The following SPIDR variants were observed in gnomAD, a reference collection of about 807,000 sequenced individuals.
SPIDR encodes DNA repair-scaffolding protein.
Under a neutral mutation model 104.6 loss-of-function variants are expected in SPIDR, and 93 were observed. The observed-to-expected ratio is 0.89, with a 90% CI of 0.75 to 1.06. SPIDR has a LOEUF of 1.06. Ranked by LOEUF, SPIDR falls within the 50% of genes least tolerant of loss-of-function variation. The pLI, the probability that SPIDR is intolerant of heterozygous loss-of-function variation, is 0.00. For synonymous variants in SPIDR, 431 were observed against 416.9 expected, an observed-to-expected ratio of 1.03 and a Z score of -0.41; for missense variants, 1,154 against 1,111.2, an observed-to-expected ratio of 1.04 and a Z score of -0.55.
chr8:47,347,339 C>T (rs1172023885), intron 5 of SPIDR, among the ~76,000 whole-genome samples: 2 of 152,150 alleles, frequency 1.3e-5, no homozygotes, highest in Admixed American at 1.3e-4. Flanking sequence ...TGTTCTTTTA[C>T]ATTTGCTGCG....
At chr8:47,633,783 T>C (rs1338827726) in intron 10 of SPIDR, among the ~76,000 whole-genome samples, 1 of 152,058 alleles carries the variant, frequency 6.6e-6, no homozygotes, top group Non-Finnish European at 1.5e-5. Context: ...AAAAGCATAA[T>C]GAACTTAATA....
chr8:47,731,670 T>C (rs2085263154), intron 19 of SPIDR, among the ~76,000 whole-genome samples: 2 of 152,178 alleles, frequency 1.3e-5, no homozygotes, highest in Admixed American at 1.3e-4. Flanking sequence ...TTTCTGTCCT[T>C]AAGGAAGTTT....
At chr8:47,549,346 C>G (rs897737083) in intron 8 of SPIDR, among the ~76,000 whole-genome samples, 1 of 152,218 alleles carries the variant, frequency 6.6e-6, no homozygotes, top group African/African-American at 2.4e-5. Context: ...AGTCGTCACA[C>G]TCTCTTCCAC....
chr8:47,675,638 C>G (rs934580631), intron 11 of SPIDR, among the ~76,000 whole-genome samples: 3 of 152,052 alleles, frequency 2.0e-5, no homozygotes, highest in African/African-American at 7.2e-5. Flanking sequence ...TGTCAAAACC[C>G]TATCTCTACT....
chr8:47,586,625 T>A (rs965040292), intron 8 of SPIDR, among the ~76,000 whole-genome samples: 2 of 152,222 alleles, frequency 1.3e-5, no homozygotes, highest in Non-Finnish European at 2.9e-5. Flanking sequence ...ATGTTCTAAA[T>A]ACTAGTCCTT....
At chr8:47,362,427 C>T (rs1351192940) in intron 5 of SPIDR, among the ~76,000 whole-genome samples, 3 of 152,164 alleles carry the variant, frequency 2.0e-5, no homozygotes, top group Non-Finnish European at 4.4e-5. Flanking sequence ...GTATGAAGGG[C>T]CCGGACCCAG....
chr8:47,374,309 C>A (rs1020817210), intron 5 of SPIDR, among the ~76,000 whole-genome samples: 1 of 151,956 alleles, frequency 6.6e-6, no homozygotes, highest in Non-Finnish European at 1.5e-5. Flanking sequence ...ATCACTTGAG[C>A]CGAGGAGTTC....
chr8:47,581,852 C>G (rs1254705415), intron 8 of SPIDR, among the ~76,000 whole-genome samples: 1 of 152,148 alleles, frequency 6.6e-6, no homozygotes, highest in Non-Finnish European at 1.5e-5. Context: ...TCCTCTTTGC[C>G]ACTCTCCACA....
At chr8:47,557,143 G>A (rs1484056717) in intron 8 of SPIDR, among the ~76,000 whole-genome samples, 3 of 151,914 alleles carry the variant, frequency 2.0e-5, no homozygotes, top group Non-Finnish European at 4.4e-5. Context: ...ATGAGACTTC[G>A]GCTCCTCATA....
At position 47,728,819 on chromosome 8, in the gene SPIDR, A is replaced by C. The variant is rs1589597699; in HGVS notation, c.2436-114A>C. On this transcript the variant is annotated intron_variant, in intron 17 of 19. Coordinates refer to ENST00000297423, the MANE Select transcript of SPIDR (RefSeq NM_001080394.4). ...TCTCAGAAACTTGATTCTGAGAGTA[A>C]AGCCCCGTTTTCTAGCTCAGCAGAC... 4 of 1,265,154 alleles carry C rather than the reference A, an allele frequency of 3.2e-6. No homozygotes were observed. The East Asian group carries it at 9.6e-5, about 30-fold the overall frequency. The allele number at this position is 1,265,154 out of a possible 1,614,324, so 78.4% of individuals were successfully genotyped here. A position where few individuals can be genotyped will look rare whatever the true frequency, so the allele number is the denominator to read the frequency against.
intron 5 of SPIDR, among the ~76,000 whole-genome samples, chr8:47,337,400 G>A: frequency 6.6e-6 from 1 of 151,974 alleles, no homozygotes; most frequent in African/African-American, 2.4e-5. Context: ...CAAAGTGCTG[G>A]GATTATAAGC....
intron 8 of SPIDR, among the ~76,000 whole-genome samples, chr8:47,518,264 T>C (rs2083457141): frequency 2.6e-5 from 4 of 152,206 alleles, no homozygotes; most frequent in Admixed American, 1.3e-4. Context: ...TGTGATGTGC[T>C]TATTATTATA....
At chr8:47,544,097 CTGTT>C (rs2088793081) in intron 8 of SPIDR, among the ~76,000 whole-genome samples, 5 of 151,860 alleles carry the variant, frequency 3.3e-5, no homozygotes, top group South Asian at 2.1e-4. Context: ...CAAGAGGGTT[CTGTT>C]CAGTTGGTTG....
At chr8:47,733,962 T>TA (rs2085716676) in intron 19 of SPIDR, among the ~76,000 whole-genome samples, 1 of 152,180 alleles carries the variant, frequency 6.6e-6, no homozygotes, top group African/African-American at 2.4e-5. Flanking sequence ...ACGCCTGTCT[T>TA]ACAAATGGGA....
At chr8:47,625,130 C>T (rs1454329988) in intron 10 of SPIDR, among the ~76,000 whole-genome samples, 2 of 152,170 alleles carry the variant, frequency 1.3e-5, no homozygotes, top group African/African-American at 4.8e-5. Context: ...GAACCAAAGA[C>T]AAAAACTACA....
At chr8:47,284,399 T>C (rs1290455153) in intron 3 of SPIDR, among the ~76,000 whole-genome samples, 1 of 151,960 alleles carries the variant, frequency 6.6e-6, no homozygotes, top group Non-Finnish European at 1.5e-5. Context: ...GGGTTTTGTT[T>C]GTTTGTTTGT....
intron 8 of SPIDR, among the ~76,000 whole-genome samples, chr8:47,570,752 A>G (rs1252298036): frequency 1.3e-5 from 2 of 152,190 alleles, no homozygotes; most frequent in Non-Finnish European, 2.9e-5. Flanking sequence ...AAGAATCTGA[A>G]AAGATTCTTT....
chr8:47,469,180 A>T (rs1340775860), intron 8 of SPIDR, among the ~76,000 whole-genome samples: 1 of 152,234 alleles, frequency 6.6e-6, no homozygotes, highest in Admixed American at 6.5e-5. Context: ...ATTATTAAAA[A>T]GTCAAAAAAA....
At chr8:47,660,825 C>T (rs975406237) in intron 10 of SPIDR, 9 of 374,446 alleles carry the variant, frequency 2.4e-5, no homozygotes, top group Non-Finnish European at 3.3e-5. Context: ...AGACACCTGG[C>T]TTCAGGACTT....
Sources: gnomAD v4.1 joint callset for allele counts (sites outside exome capture counted in the v4.1 genomes callset) on GRCh38, gnomAD v4.1.1 for gene constraint, MANE v1.5 for transcripts, NCBI Gene and HGNC (gene_info 2026-07-23, HGNC 2026-07-21) for gene names.